SUMF1: variants seen among roughly 807,000 people sequenced by gnomAD.
SUMF1 encodes sulfatase modifying factor 1, also known as formylglycine-generating enzyme.
SUMF1 carries 48 observed loss-of-function variants against 47.6 expected under a neutral mutation model. The observed-to-expected ratio is 1.01, with a 90% confidence interval of 0.80 to 1.28. The LOEUF is 1.28. SUMF1 is among the 50% of genes most tolerant of loss of function. SUMF1 has a pLI of 0.00. For synonymous variants in SUMF1, 230 were observed against 192.1 expected, an observed-to-expected ratio of 1.20 and a Z score of -1.63; for missense variants, 571 against 485.4, an observed-to-expected ratio of 1.18 and a Z score of -1.66.
At chr3:4,394,021 T>C (rs879855236) in intron 7 of SUMF1, among the ~76,000 whole-genome samples, 2 of 152,190 alleles carry the variant, frequency 1.3e-5, no homozygotes, top group Non-Finnish European at 2.9e-5. Flanking sequence ...CATGAGATAA[T>C]TAAGGACATG....
At chr3:4,200,765 G>A (rs1695523856) in intron 8 of SUMF1, among the ~76,000 whole-genome samples, 2 of 152,092 alleles carry the variant, frequency 1.3e-5, no homozygotes, top group Admixed American at 6.6e-5. Flanking sequence ...CTGTCTCTCT[G>A]GAGAACCCTG....
intron 8 of SUMF1, among the ~76,000 whole-genome samples, chr3:4,163,180 G>A (rs996555944): frequency 5.3e-5 from 8 of 151,346 alleles, no homozygotes; most frequent in African/African-American, 1.2e-4. Flanking sequence ...CTCTTCTCCC[G>A]GTAGACTGCT....
At chr3:4,039,208 A>ATTTTTTTTTTTTTTTTTTTTT (rs1213784165) in intron 9 of SUMF1, among the ~76,000 whole-genome samples, 1 of 46,184 alleles carries the variant, frequency 2.2e-5, no homozygotes, top group Non-Finnish European at 4.2e-5. Context: ...CATCTATGCA[A>ATTTTTTTTTTTTTTTTTTTTT]ATTTTTTTTT....
intron 9 of SUMF1, among the ~76,000 whole-genome samples, chr3:4,044,692 G>A (rs767199363): frequency 2.6e-5 from 4 of 152,130 alleles, no homozygotes; most frequent in East Asian, 3.9e-4. Context: ...TATTATCACC[G>A]ACTTACTTAA....
chr3:4,149,512 A>G (rs1476940473), intron 8 of SUMF1, among the ~76,000 whole-genome samples: 3 of 152,172 alleles, frequency 2.0e-5, no homozygotes, highest in African/African-American at 7.2e-5. Flanking sequence ...CACAGTCACC[A>G]TAATAGGAAG....
At chr3:4,294,460 A>T (rs928894231) in intron 8 of SUMF1, among the ~76,000 whole-genome samples, 2 of 152,156 alleles carry the variant, frequency 1.3e-5, no homozygotes, top group Non-Finnish European at 2.9e-5. Context: ...GCTGCAAAGG[A>T]CGCTGAGGCA....
chr3:4,103,516 T>C (rs1036394717), intron 8 of SUMF1, among the ~76,000 whole-genome samples: 43 of 152,188 alleles, frequency 2.8e-4, no homozygotes, highest in Non-Finnish European at 5.4e-4. Context: ...TGAAAGAGGA[T>C]GGCAAGTCCT....
In SUMF1 at chr3:4,068,756, T is replaced by TAAGAAG. The variant is rs34308595; in HGVS notation, c.1015-17_1015-12dup. ...ATAGTACTCTTGGGACTAAAACAAA[T>TAAGAAG]AAGAAGAAGAAGAAGAAGAAATAAT... On this transcript the variant is annotated splice_polypyrimidine_tract_variant and intron_variant and NMD_transcript_variant, in intron 8 of 12. Coordinates refer to the SUMF1 transcript ENST00000448413. 281 of 329,004 alleles carry TAAGAAG rather than the reference T, an allele frequency of 8.5e-4. 5 individuals are homozygous for TAAGAAG. The highest frequency in any genetic ancestry group is 3.8e-3 in the African/African-American group (174 of 46,358). The allele number at this position is 329,004 out of a possible 1,614,324, so 20.4% of individuals were successfully genotyped here.
intron 7 of SUMF1, among the ~76,000 whole-genome samples, chr3:4,377,371 G>C (rs768707438): frequency 9.2e-5 from 14 of 151,924 alleles, no homozygotes; most frequent in Non-Finnish European, 1.8e-4. Flanking sequence ...TATGAACCAG[G>C]CACAGTTTGA....
intron 3 of SUMF1, among the ~76,000 whole-genome samples, chr3:4,437,736 C>T (rs1055693436): frequency 1.3e-5 from 2 of 152,010 alleles, no homozygotes; most frequent in African/African-American, 4.8e-5. Context: ...TTCAGGAGTT[C>T]GAGATCAGCC....
At chr3:4,424,502 G>T (rs111283995) in intron 3 of SUMF1, among the ~76,000 whole-genome samples, 2 of 152,180 alleles carry the variant, frequency 1.3e-5, no homozygotes, top group Non-Finnish European at 2.9e-5. Flanking sequence ...ACCAAAGGCC[G>T]CAACCTAGTG....
intron 8 of SUMF1, among the ~76,000 whole-genome samples, chr3:4,223,408 T>G (rs555880849): frequency 1.3e-5 from 2 of 152,238 alleles, no homozygotes; most frequent in East Asian, 3.9e-4. Flanking sequence ...CAGAGTTACC[T>G]TAAGACTTAA....
At chr3:4,456,418 A>C (rs540699743) in intron 1 of SUMF1, among the ~76,000 whole-genome samples, 1 of 150,484 alleles carries the variant, frequency 6.6e-6, no homozygotes, top group East Asian at 2.0e-4. Context: ...CAAAGACGTT[A>C]TGTTGTCCCT....
At chr3:4,139,131 GAT>G (rs1221038331) in intron 8 of SUMF1, among the ~76,000 whole-genome samples, 1 of 152,012 alleles carries the variant, frequency 6.6e-6, no homozygotes, top group Non-Finnish European at 1.5e-5. Context: ...TTATTGTATT[GAT>G]AGTCATTACA....
At chr3:4,169,273 C>T (rs951607233) in intron 8 of SUMF1, among the ~76,000 whole-genome samples, 1 of 152,070 alleles carries the variant, frequency 6.6e-6, no homozygotes, top group Non-Finnish European at 1.5e-5. Flanking sequence ...GTCCTAATCC[C>T]CAGTATCTAT....
intron 8 of SUMF1, among the ~76,000 whole-genome samples, chr3:4,151,281 T>C (rs1694316126): frequency 6.7e-6 from 1 of 149,094 alleles, no homozygotes; most frequent in Non-Finnish European, 1.5e-5. Context: ...TATTTATACA[T>C]GTAAATATGG....
At chr3:4,370,528 T>C (rs1224945826) in intron 8 of SUMF1, among the ~76,000 whole-genome samples, 2 of 152,210 alleles carry the variant, frequency 1.3e-5, no homozygotes, top group Non-Finnish European at 2.9e-5. Flanking sequence ...ATGATATTCA[T>C]ATGCCACAAA....
chr3:4,112,527 G>C (rs1013074175), intron 8 of SUMF1, among the ~76,000 whole-genome samples: 2 of 152,074 alleles, frequency 1.3e-5, no homozygotes, highest in African/African-American at 4.8e-5. Flanking sequence ...TTCATAATTT[G>C]CTTAAAATTG....
intron 3 of SUMF1, among the ~76,000 whole-genome samples, chr3:4,427,483 C>G (rs1702104442): frequency 6.6e-6 from 1 of 152,154 alleles, no homozygotes; most frequent in South Asian, 2.1e-4. Context: ...GTATGGAAAG[C>G]TAAGAATGAG....
Sources: gnomAD v4.1 joint callset for allele counts (sites outside exome capture counted in the v4.1 genomes callset) on GRCh38, gnomAD v4.1.1 for gene constraint, MANE v1.5 for transcripts, NCBI Gene and HGNC (gene_info 2026-07-23, HGNC 2026-07-21) for gene names.